ZMYM2: variants seen among roughly 807,000 people sequenced by gnomAD.
The protein encoded by ZMYM2 is zinc finger MYM-type protein 2.
Under a neutral mutation model 162.8 loss-of-function variants are expected in ZMYM2, and 56 were observed. The observed-to-expected ratio is 0.34, with a 90% CI of 0.28 to 0.43. ZMYM2 has a LOEUF of 0.43. Among genes scored for constraint, ZMYM2 ranks in the 20% least tolerant of loss-of-function variants. ZMYM2 has a pLI of 1.00. For missense variants in ZMYM2, 1,275 were observed against 1,621.8 expected, an observed-to-expected ratio of 0.79 and a Z score of 3.67; for synonymous variants, 510 against 541.6, an observed-to-expected ratio of 0.94 and a Z score of 0.81.
chr13:19,939,665 AAT>A, the ZMYM2 span, among the ~76,000 whole-genome samples: 1 of 152,218 alleles, frequency 6.6e-6, no homozygotes, highest in Non-Finnish European at 1.5e-5. Context: ...TTTAAACATC[AAT>A]ACATATACAA....
At chr13:19,885,820 C>G in the ZMYM2 span, among the ~76,000 whole-genome samples, 1 of 141,210 alleles carries the variant, frequency 7.1e-6, no homozygotes, top group African/African-American at 2.6e-5. Context: ...GCACTCCAGC[C>G]TGGGCAACAA....
intron 12 of ZMYM2, among the ~76,000 whole-genome samples, chr13:20,049,968 A>G (rs1469244965): frequency 1.3e-5 from 2 of 152,038 alleles, no homozygotes; most frequent in African/African-American, 4.8e-5. Context: ...ACCCTGGAAC[A>G]ATTCTATGGT....
intron 21 of ZMYM2, chr13:20,070,359 C>A (rs1956992982): frequency 9.7e-6 from 2 of 205,784 alleles, no homozygotes; most frequent in South Asian, 9.4e-5. Context: ...TGGTTCCTTG[C>A]ATTTATTCAT....
In ZMYM2 at chr13:20,034,367, A is replaced by G. The variant is rs767965433; in HGVS notation, c.2082A>G (p.Val694=). ...AGGAGAAGACTCTTCATGAAACAGT[A>G]AATTTCTCTGGCGTTAAGAGACCTT... The part of the protein sequence containing the change: ...CQEEKTLHET[V]NFSGVKRPFC... The change falls in exon 11 of 25, where the codon GTA becomes GTG. Residue 694 remains valine, a synonymous_variant. Transcript: ENST00000610343. 1.9e-6 allele frequency: 3 copies of G among 1,606,732 alleles called. No homozygotes were observed. The highest frequency in any genetic ancestry group is 2.2e-5 in the East Asian group (1 of 44,606).
chr13:19,972,068 AC>A (rs2139298713), intron 2 of ZMYM2, among the ~76,000 whole-genome samples: 1 of 152,334 alleles, frequency 6.6e-6, no homozygotes, highest in Non-Finnish European at 1.5e-5. Flanking sequence ...ATTATTTCTT[AC>A]CTCTAGAAAT....
chr13:20,057,652 AGTG>A (rs1376008580), intron 14 of ZMYM2, among the ~76,000 whole-genome samples: 1 of 152,234 alleles, frequency 6.6e-6, no homozygotes, highest in Non-Finnish European at 1.5e-5. Flanking sequence ...TCAGTACAGT[AGTG>A]TATTACACAA....
At chr13:19,953,429 A>G in the ZMYM2 span, among the ~76,000 whole-genome samples, 2 of 152,280 alleles carry the variant, frequency 1.3e-5, no homozygotes, top group African/African-American at 4.8e-5. Flanking sequence ...TCACGCCTGT[A>G]ATCCGAGCAC....
At chr13:19,986,613 T>C (rs1566223058) in intron 2 of ZMYM2, among the ~76,000 whole-genome samples, 2 of 152,166 alleles carry the variant, frequency 1.3e-5, no homozygotes, top group Non-Finnish European at 2.9e-5. Context: ...CAGAAAGTTT[T>C]AAAAATTGAA....
chr13:20,071,885 T>C (rs1957113537), intron 21 of ZMYM2: 1 of 188,546 alleles, frequency 5.3e-6, no homozygotes, highest in African/African-American at 2.3e-5. Context: ...ACATTGATGT[T>C]CGTTCAAGGC....
At chr13:19,891,846 G>A in the ZMYM2 span, among the ~76,000 whole-genome samples, 1 of 151,846 alleles carries the variant, frequency 6.6e-6, no homozygotes, top group Non-Finnish European at 1.5e-5. Flanking sequence ...GACACTGACT[G>A]ATTTTATATT....
At chr13:20,074,534 G>GC (rs1270457162) in intron 21 of ZMYM2, among the ~76,000 whole-genome samples, 1 of 147,918 alleles carries the variant, frequency 6.8e-6, no homozygotes. Flanking sequence ...ACTGTGCCCG[G>GC]CTTCCTTCCT....
At chr13:20,068,186 C>G (rs1156881132) in intron 21 of ZMYM2, 4 of 181,094 alleles carry the variant, frequency 2.2e-5, no homozygotes, top group Non-Finnish European at 4.7e-5. Context: ...CAGTAGCAAC[C>G]TAAAAGATAC....
the ZMYM2 span, among the ~76,000 whole-genome samples, chr13:19,883,567 T>G: frequency 1.3e-5 from 2 of 152,318 alleles, no homozygotes; most frequent in African/African-American, 4.8e-5. Flanking sequence ...TGGGCATTCT[T>G]AACAAATTCT....
the ZMYM2 span, among the ~76,000 whole-genome samples, chr13:19,931,631 T>G: frequency 1.2e-4 from 19 of 152,218 alleles, no homozygotes; most frequent in Non-Finnish European, 2.4e-4. Context: ...TTTTCTTTTT[T>G]GTTTTCTTTA....
chr13:19,913,810 C>T, the ZMYM2 span, among the ~76,000 whole-genome samples: 4 of 152,202 alleles, frequency 2.6e-5, no homozygotes, highest in African/African-American at 9.7e-5. Flanking sequence ...ATGAAGCATT[C>T]GCCTGAATGC....
At chr13:19,909,093 A>G in the ZMYM2 span, among the ~76,000 whole-genome samples, 97,709 of 152,144 alleles carry the variant, frequency 0.64, 35,035 homozygotes, top group East Asian at 0.88. Flanking sequence ...CGTTTTTAAT[A>G]TGGAAAACTT....
the ZMYM2 span, among the ~76,000 whole-genome samples, chr13:19,947,287 T>C: frequency 6.6e-6 from 1 of 151,900 alleles, no homozygotes; most frequent in African/African-American, 2.4e-5. Flanking sequence ...GTCTCGATCT[T>C]CTGACCTCAT....
At chr13:19,990,538 T>C (rs1009320410) in intron 2 of ZMYM2, among the ~76,000 whole-genome samples, 3 of 152,214 alleles carry the variant, frequency 2.0e-5, no homozygotes, top group African/African-American at 7.2e-5. Flanking sequence ...ACCAAACTAG[T>C]TATCTCTTCA....
intron 21 of ZMYM2, among the ~76,000 whole-genome samples, chr13:20,078,334 CTA>C (rs1957662060): frequency 1.7e-4 from 1 of 5,786 alleles, no homozygotes; most frequent in Admixed American, 7.4e-3. Context: ...GAAGTAGAAT[CTA>C]TCTAATAGCC....
Sources: gnomAD v4.1 joint callset for allele counts (sites outside exome capture counted in the v4.1 genomes callset) on GRCh38, gnomAD v4.1.1 for gene constraint, MANE v1.5 for transcripts, NCBI Gene and HGNC (gene_info 2026-07-23, HGNC 2026-07-21) for gene names.